The following RASGRF1 variants were observed in gnomAD, a reference collection of about 807,000 sequenced individuals.
RASGRF1 encodes the protein Ras protein specific guanine nucleotide releasing factor 1, also known as ras-specific guanine nucleotide-releasing factor 1.
A neutral mutation model predicts 138.7 loss-of-function variants in RASGRF1; 40 were observed. That is an observed-to-expected ratio of 0.29 (90% CI 0.22 to 0.38). The LOEUF (loss-of-function observed/expected upper bound fraction) is 0.38, where lower values mean the gene tolerates loss of function less well. Among genes scored for constraint, RASGRF1 ranks in the 10% least tolerant of loss-of-function variants. RASGRF1 has a pLI of 1.00. For synonymous variants in RASGRF1, 614 were observed against 663.2 expected, an observed-to-expected ratio of 0.93 and a Z score of 1.14; for missense variants, 1,108 against 1,650.4, an observed-to-expected ratio of 0.67 and a Z score of 5.69.
At chr15:79,034,346 T>C (rs1383590671) in intron 6 of RASGRF1, among the ~76,000 whole-genome samples, 1 of 151,330 alleles carries the variant, frequency 6.6e-6, no homozygotes, top group Non-Finnish European at 1.5e-5. Context: ...GAGGTTCTTC[T>C]GTCTGTTGCT....
chr15:79,035,183 G>T lies in RASGRF1; in HGVS notation c.906C>A (p.Ile302=). The T allele has an allele frequency of 6.2e-7, 1 of 1,613,776 alleles. No individual in the cohort carries two copies. The highest frequency in any genetic ancestry group is 1.1e-5 in the South Asian group (1 of 90,974). The part of the protein sequence containing the change: ...NSETIMFLHQ[I]FYQGLKARIS... ...TGCGGGCCTTCAGGCCTTGGTAAAAGATCTGATGTAAAAACATGATGGTTT... is the reference window on the plus strand; with the variant it reads ...TGCGGGCCTTCAGGCCTTGGTAAAATATCTGATGTAAAAACATGATGGTTT... The change falls in exon 6 of 27, where the codon ATC becomes ATA. Residue 302 remains isoleucine, a synonymous_variant. Transcript: ENST00000558480.
chr15:78,967,092 C>T (rs1322555879), intron 26 of RASGRF1, among the ~76,000 whole-genome samples: 5 of 152,036 alleles, frequency 3.3e-5, no homozygotes, highest in Admixed American at 6.6e-5. Context: ...CACTTGAGCG[C>T]AGGAGTTCAA....
chr15:79,054,552 A>G lies in RASGRF1; in HGVS notation c.531+3782T>C, dbSNP rs544247786. ...ACAGTCACGTGACTTGCTTTGTCCA[A>G]TGTGATGTGAGCAGTGTGCCATGTG... On this transcript the variant is annotated intron_variant, in intron 3 of 26. Coordinates refer to ENST00000558480, the MANE Select transcript of RASGRF1 (RefSeq NM_001145648.3). 3.9e-5 allele frequency among the ~76,000 whole-genome samples: 6 copies of G among 152,288 alleles called. No homozygotes were observed. The South Asian group carries it at 8.3e-4, about 21-fold the overall frequency.
chr15:79,087,121 G>A (rs1225206378), intron 1 of RASGRF1, among the ~76,000 whole-genome samples: 1 of 152,240 alleles, frequency 6.6e-6, no homozygotes, highest in Non-Finnish European at 1.5e-5. Flanking sequence ...ACAGCCAGAT[G>A]AGACTGCACA....
chr15:79,026,349 A>ACG (rs1484805695), intron 9 of RASGRF1, among the ~76,000 whole-genome samples: 74 of 152,290 alleles, frequency 4.9e-4, no homozygotes, highest in Middle Eastern at 3.4e-3. Context: ...CTTCCCTGTG[A>ACG]ATTCCTGCTT....
intron 1 of RASGRF1, 67 bp downstream of exon 1, chr15:79,090,156 C>G: frequency 6.8e-7 from 1 of 1,478,964 alleles, no homozygotes; most frequent in East Asian, 2.4e-5. Flanking sequence ...ATCAGCCAGC[C>G]GAAGGCCCTG....
chr15:79,002,520 G>A (rs778655652), intron 15 of RASGRF1, among the ~76,000 whole-genome samples: 2 of 151,966 alleles, frequency 1.3e-5, no homozygotes, highest in African/African-American at 4.8e-5. Flanking sequence ...ACATGCACAC[G>A]CACACACATT....
rs527586220 is a variant in RASGRF1 at position 79,017,684 on chromosome 15, C to T, written c.1743+86G>A. 32 of 1,440,116 alleles carry T rather than the reference C, an allele frequency of 2.2e-5. 1 individual carries two copies. The East Asian group carries it at 4.7e-4, about 21-fold the overall frequency. 89.2% of individuals were successfully genotyped at this position (1,440,116 alleles called of 1,614,324 possible). On this transcript the variant is annotated intron_variant, in intron 12 of 26. Coordinates refer to ENST00000558480, the MANE Select transcript of RASGRF1 (RefSeq NM_001145648.3). ...AACAGTGCAGCTACTCCACCACCCC[C>T]ACCCCCTACCTGCCACCAGCCAAAT... is the stretch of plus-strand genomic sequence containing the variant.
At chr15:79,045,608 TG>T (rs1248903856) in intron 5 of RASGRF1, among the ~76,000 whole-genome samples, 3 of 152,362 alleles carry the variant, frequency 2.0e-5, no homozygotes, top group Admixed American at 6.5e-5. Context: ...CATATTCTGA[TG>T]GCTTGCCCAC....
intron 12 of RASGRF1, among the ~76,000 whole-genome samples, chr15:79,017,060 C>A (rs976564859): frequency 2.6e-5 from 4 of 152,214 alleles, no homozygotes; most frequent in African/African-American, 9.7e-5. Flanking sequence ...AGGGGCCTGT[C>A]CTGGGGCCTA....
At chr15:78,999,935 C>T in intron 16 of RASGRF1, 22 bp from the exon 17 acceptor site, 1 of 1,609,284 alleles carries the variant, frequency 6.2e-7, no homozygotes, top group Non-Finnish European at 8.5e-7. Flanking sequence ...AGGGAACCAA[C>T]CCTCAGCTGT....
chr15:79,059,093 A>C (rs1386075813), intron 2 of RASGRF1, among the ~76,000 whole-genome samples: 3 of 150,708 alleles, frequency 2.0e-5, no homozygotes, highest in Non-Finnish European at 4.4e-5. Context: ...TCCCTCTTCC[A>C]ACCCTCCCTC....
At chr15:79,001,606 T>C in intron 16 of RASGRF1, 56 bp downstream of exon 16, 1 of 1,584,672 alleles carries the variant, frequency 6.3e-7, no homozygotes, top group Non-Finnish European at 8.6e-7. Context: ...CGACTTGACC[T>C]ACTGCCCTCT....
At chr15:78,990,037 C>A in intron 22 of RASGRF1, 152 bp downstream of exon 22, 1 of 684,714 alleles carries the variant, frequency 1.5e-6, no homozygotes. Context: ...GGTGAGGCAA[C>A]CAGCCCGAGG....
At chr15:79,000,985 G>A (rs1303368031) in intron 16 of RASGRF1, among the ~76,000 whole-genome samples, 1 of 152,184 alleles carries the variant, frequency 6.6e-6, no homozygotes, top group East Asian at 1.9e-4. Context: ...TGCCTGGGAG[G>A]TGGGTCCCCT....
At chr15:79,077,293 C>G (rs896244415) in intron 1 of RASGRF1, among the ~76,000 whole-genome samples, 1 of 152,302 alleles carries the variant, frequency 6.6e-6, no homozygotes, top group South Asian at 2.1e-4. Context: ...CTTCAACACA[C>G]CTCTTCACTT....
intron 2 of RASGRF1, among the ~76,000 whole-genome samples, chr15:79,062,242 T>A (rs1473815389): frequency 6.6e-6 from 1 of 152,234 alleles, no homozygotes; most frequent in African/African-American, 2.4e-5. Flanking sequence ...CATAAATAAT[T>A]TCATTTGCTA....
At chr15:79,066,994 A>G (rs1262593362) in intron 1 of RASGRF1, among the ~76,000 whole-genome samples, 1 of 152,066 alleles carries the variant, frequency 6.6e-6, no homozygotes, top group Non-Finnish European at 1.5e-5. Context: ...CTGCTGCCCT[A>G]GGTTAGGCCC....
rs2057151592 is a variant in RASGRF1, at chr15:79,032,291, G to A, written c.984C>T (p.Pro328=). The A allele has an allele frequency of 6.2e-7, 1 of 1,614,000 alleles. No homozygotes were observed. Among genetic ancestry groups the A allele is most frequent in the Non-Finnish European group, 8.5e-7 (1 of 1,179,916 alleles). The part of the protein sequence containing the change: ...VLADLFDILL[P]MLNIYQEFVR... ...CGAACTCTTGGTAGATGTTGAGCAT[G>A]GGCAGCAGGATGTCAAATAGGTCAG... Residue 328 remains proline (P), a synonymous_variant, in exon 7 of 27, where the codon CCC becomes CCT. Coordinates refer to ENST00000558480, the MANE Select transcript of RASGRF1 (RefSeq NM_001145648.3). The surrounding 1 kb of genome is among the most constrained non-coding windows in gnomAD (Gnocchi z 4.5).
Sources: allele counts gnomAD v4.1 joint callset (sites outside exome capture counted in the v4.1 genomes callset), GRCh38; gene constraint gnomAD v4.1.1; non-coding constraint Gnocchi (gnomAD v3.1); transcripts MANE v1.5; gene names NCBI Gene and HGNC (gene_info 2026-07-23, HGNC 2026-07-21).